The following HDAC9 variants were observed in gnomAD, a reference collection of about 807,000 sequenced individuals.
HDAC9 encodes histone deacetylase 9.
Under a neutral mutation model 139.4 loss-of-function variants are expected in HDAC9, and 41 were observed. That is an observed-to-expected ratio of 0.29 (90% confidence interval 0.23 to 0.38). The LOEUF is 0.38. Ranked by LOEUF, HDAC9 falls within the 10% of genes least tolerant of loss-of-function variation. The pLI, the probability that HDAC9 is intolerant of heterozygous loss-of-function variation, is 1.00. For missense variants in HDAC9, 1,147 were observed against 1,297.0 expected, an observed-to-expected ratio of 0.88 and a Z score of 1.78; for synonymous variants, 517 against 476.2, an observed-to-expected ratio of 1.09 and a Z score of -1.12.
Position 18,716,644 on chromosome 7 carries a change from G to A in HDAC9, c.1732-10936G>A, listed in dbSNP as rs151224203. On this transcript the variant is annotated intron_variant, in intron 12 of 25. Coordinates refer to ENST00000686413, the MANE Select transcript of HDAC9 (RefSeq NM_178425.4). ...ATACCAGAAGCAATTTAAATATTCT[G>A]TATATAGGTAGTAACTTTTACCAAC... is the stretch of plus-strand genomic sequence containing the variant. Among the ~76,000 whole-genome samples the A allele has an allele frequency of 3.3e-3, 503 of 152,204 alleles. 2 individuals carry two copies. The highest frequency in any genetic ancestry group is 0.014 in the Middle Eastern group (4 of 294).
In HDAC9 at chr7:18,987,409, A is replaced by G. The variant is rs1042039614; in HGVS notation, c.3171-8614A>G. The stretch of plus-strand genomic sequence containing the variant: ...TATTGAACCAGCCTTGCATCCCAGG[A>G]ATGAAGCCCACTTGATCATGGTGGA... On this transcript the variant is annotated intron_variant, in intron 25 of 25. Coordinates refer to ENST00000686413, the MANE Select transcript of HDAC9 (RefSeq NM_178425.4). 7.1e-3 allele frequency among the ~76,000 whole-genome samples: 1,083 copies of G among 152,234 alleles called. 4 individuals are homozygous for G. Among genetic ancestry groups the G allele is most frequent in the Non-Finnish European group, 9.4e-3 (637 of 68,010 alleles).
intron 21 of HDAC9, among the ~76,000 whole-genome samples, chr7:18,872,301 G>C (rs13238702): frequency 0.012 from 1,871 of 152,256 alleles, 14 homozygotes; most frequent in African/African-American, 0.017. Flanking sequence ...AATTAGAAAA[G>C]ACATTGTGTT....
At chr7:18,963,943 C>T (rs895403505) in intron 24 of HDAC9, among the ~76,000 whole-genome samples, 1 of 152,128 alleles carries the variant, frequency 6.6e-6, no homozygotes, top group Non-Finnish European at 1.5e-5. Context: ...TTATAACATT[C>T]ATTTGCCCTT....
At chr7:18,333,130 TAAAC>T (rs1401001084) in intron 1 of HDAC9, among the ~76,000 whole-genome samples, 5 of 151,440 alleles carry the variant, frequency 3.3e-5, no homozygotes, top group African/African-American at 1.2e-4. Context: ...TAATACAAAA[TAAAC>T]AACGATTTGG....
chr7:18,251,305 A>G (rs1415851059), intron 2 of HDAC9, among the ~76,000 whole-genome samples: 1 of 152,150 alleles, frequency 6.6e-6, no homozygotes, highest in Non-Finnish European at 1.5e-5. Context: ...GAGCTGAATG[A>G]TGAGAACACA....
chr7:18,640,566 C>G (rs764563668), intron 8 of HDAC9, among the ~76,000 whole-genome samples: 1 of 151,656 alleles, frequency 6.6e-6, no homozygotes, highest in Non-Finnish European at 1.5e-5. Flanking sequence ...ATCTCCTTTC[C>G]CCACTTTCAT....
intron 1 of HDAC9, among the ~76,000 whole-genome samples, chr7:18,386,746 T>C (rs992155619): frequency 6.6e-6 from 1 of 152,232 alleles, no homozygotes; most frequent in African/African-American, 2.4e-5. Context: ...TCAAGCAATC[T>C]ATTCCCACTC....
intron 13 of HDAC9, among the ~76,000 whole-genome samples, chr7:18,729,804 C>G (rs1469256563): frequency 6.6e-6 from 1 of 152,122 alleles, no homozygotes; most frequent in Non-Finnish European, 1.5e-5. Context: ...TCCTTGTCCA[C>G]ATGAGATATT....
intron 1 of HDAC9, among the ~76,000 whole-genome samples, chr7:18,158,187 G>GA (rs1028429370): frequency 3.9e-5 from 6 of 152,010 alleles, no homozygotes. Flanking sequence ...CAAAAGTGGG[G>GA]AAAAAAGACA....
intron 16 of HDAC9, among the ~76,000 whole-genome samples, chr7:18,773,201 A>G (rs765642053): frequency 3.3e-5 from 5 of 152,066 alleles, no homozygotes; most frequent in African/African-American, 4.8e-5. Context: ...ATTTTGAAAT[A>G]AGAATACTTC....
chr7:18,931,124 T>C (rs890761713), intron 22 of HDAC9, among the ~76,000 whole-genome samples: 3 of 152,222 alleles, frequency 2.0e-5, no homozygotes, highest in African/African-American at 7.2e-5. Context: ...TTTAATAATA[T>C]GATTAACAGA....
At chr7:18,336,414 C>G (rs983535074) in intron 1 of HDAC9, among the ~76,000 whole-genome samples, 2 of 151,580 alleles carry the variant, frequency 1.3e-5, no homozygotes, top group South Asian at 4.1e-4. Flanking sequence ...GCAAACAAGG[C>G]TCTGTGGAAT....
rs753809387 is a variant in HDAC9 at position 18,458,843 on chromosome 7, C to G, written c.-41-37419C>G. The G allele has an allele frequency of 2.6e-6, 4 of 1,534,034 alleles. No homozygotes were observed. The South Asian group carries it at 4.8e-5, about 18-fold the overall frequency. On this transcript the variant is annotated intron_variant, in intron 1 of 3. Transcript: ENST00000413509. ...AACCTGACTTTCTTATCCCCACAGA[C>G]CTCATGTGGAACCTTGTACCATGGG...
At chr7:18,836,105 G>A (rs1193468255) in intron 21 of HDAC9, 108 bp downstream of exon 21, 34 of 614,804 alleles carry the variant, frequency 5.5e-5, no homozygotes, top group Non-Finnish European at 6.7e-5. Context: ...GTAAATTATC[G>A]CTCAAAGCCA....
intron 2 of HDAC9, among the ~76,000 whole-genome samples, chr7:18,263,028 G>A (rs1296480405): frequency 6.6e-6 from 1 of 152,064 alleles, no homozygotes; most frequent in African/African-American, 2.4e-5. Context: ...TAATGTAAAT[G>A]TATTAAATAG....
intron 1 of HDAC9, among the ~76,000 whole-genome samples, chr7:18,373,348 CCT>C (rs1247893833): frequency 1.3e-5 from 2 of 151,674 alleles, no homozygotes; most frequent in African/African-American, 4.8e-5. Context: ...TTATTGAGGA[CCT>C]CTGGTATATG....
rs577330683 is a variant in HDAC9, at chr7:18,540,129, C to G, written c.22+43805C>G. 2.0e-5 allele frequency among the ~76,000 whole-genome samples: 3 copies of G among 148,234 alleles called. No homozygotes were observed. The South Asian group carries it at 6.4e-4, about 32-fold the overall frequency. ...AAAAAAAAAAAAAAAAAAAAATAGC[C>G]AGGAATTGTGGTGGGTGCCTGTAAT... On this transcript the variant is annotated intron_variant, in intron 2 of 25. Transcript: ENST00000686413.
intron 1 of HDAC9, among the ~76,000 whole-genome samples, chr7:18,467,823 A>G (rs1794409407): frequency 6.6e-6 from 1 of 152,112 alleles, no homozygotes. Flanking sequence ...CTGTTCCGGT[A>G]TTCCATCTGG....
intron 1 of HDAC9, among the ~76,000 whole-genome samples, chr7:18,456,390 C>T (rs1301335660): frequency 6.6e-6 from 1 of 152,120 alleles, no homozygotes; most frequent in Non-Finnish European, 1.5e-5. Flanking sequence ...CACATGCCAC[C>T]ATGCCTGGCT....
Sources: gnomAD v4.1 joint callset for allele counts (sites outside exome capture counted in the v4.1 genomes callset) on GRCh38, gnomAD v4.1.1 for gene constraint, MANE v1.5 for transcripts, NCBI Gene and HGNC (gene_info 2026-07-23, HGNC 2026-07-21) for gene names.